Variants in ARID4B observed in about 807,000 individuals in gnomAD.
The protein encoded by ARID4B is AT-rich interaction domain 4B, also known as AT-rich interactive domain-containing protein 4B.
Under a neutral mutation model 147.5 loss-of-function variants are expected in ARID4B, and 26 were observed. That is an observed-to-expected ratio of 0.18 (90% confidence interval 0.13 to 0.24). The LOEUF is 0.24. Among genes scored for constraint, ARID4B ranks in the 10% least tolerant of loss-of-function variants. The pLI is 1.00. For missense variants in ARID4B, 1,179 were observed against 1,511.5 expected, an observed-to-expected ratio of 0.78 and a Z score of 3.65; for synonymous variants, 512 against 507.9, an observed-to-expected ratio of 1.01 and a Z score of -0.11.
At chr1:235,327,737 G>A (rs1450524854) in intron 1 of ARID4B, 32 bp downstream of exon 1, 1 of 152,714 alleles carries the variant, frequency 6.5e-6, no homozygotes, top group Non-Finnish European at 1.5e-5. Flanking sequence ...ACCCCCTTAG[G>A]AGACCACGAA....
intron 19 of ARID4B, chr1:235,187,160 C>A (rs1571923672): frequency 6.5e-6 from 2 of 306,982 alleles, no homozygotes; most frequent in East Asian, 2.4e-4. Flanking sequence ...CAGCTCACCG[C>A]AACCTCCGCC....
At chr1:235,288,683 C>T (rs777288635) in intron 2 of ARID4B, among the ~76,000 whole-genome samples, 4 of 152,202 alleles carry the variant, frequency 2.6e-5, no homozygotes, top group Non-Finnish European at 5.9e-5. Flanking sequence ...CAAACATATT[C>T]ATGCCAGCTT....
In ARID4B at chr1:235,221,558, A is replaced by T; in HGVS notation, c.1163+7T>A. 12 of 1,510,524 alleles carry T rather than the reference A, an allele frequency of 7.9e-6. No homozygotes were observed. Among genetic ancestry groups the T allele is most frequent in the Non-Finnish European group, 1.1e-5 (12 of 1,095,056 alleles). The allele number at this position is 1,510,524 out of a possible 1,614,324, so 93.6% of individuals were successfully genotyped here. ...TGAAGATAATCATATCAATTATACT[A>T]ACTTACTTTTTATAAGCACATTTAA... On this transcript the variant is annotated splice_region_variant and intron_variant, in intron 14 of 23. Coordinates refer to ENST00000264183, the MANE Select transcript of ARID4B (RefSeq NM_016374.6).
chr1:235,289,299 CA>C (rs926867100), intron 2 of ARID4B, among the ~76,000 whole-genome samples: 2 of 151,662 alleles, frequency 1.3e-5, no homozygotes, highest in Non-Finnish European at 2.9e-5. Flanking sequence ...TGCTCAATGG[CA>C]AAAAAATACA....
chr1:235,265,703 A>C lies in ARID4B; in HGVS notation c.7-4951T>G, dbSNP rs996590708. On this transcript the variant is annotated intron_variant, in intron 2 of 23. Coordinates refer to ENST00000264183, the MANE Select transcript of ARID4B (RefSeq NM_016374.6). ...GACACTGAGACCTTGTCTCAAAAAAAAAAGAAAAGAAAAAAAAGGGTATAT... is the reference window on the plus strand; with the variant it reads ...GACACTGAGACCTTGTCTCAAAAAACAAAGAAAAGAAAAAAAAGGGTATAT... Among the ~76,000 whole-genome samples the C allele has an allele frequency of 1.3e-3, 192 of 152,184 alleles. 1 individual carries two copies. Among genetic ancestry groups the C allele is most frequent in the African/African-American group, 4.5e-3 (188 of 41,520 alleles).
At chr1:235,260,821 A>G in intron 2 of ARID4B, 69 bp from the exon 3 acceptor site, 1 of 1,068,712 alleles carries the variant, frequency 9.4e-7, no homozygotes. Context: ...ACCTCAGAAT[A>G]GTGAGCCTAA....
intron 3 of ARID4B, 68 bp downstream of exon 3, chr1:235,260,574 A>T (rs190845304): frequency 8.4e-7 from 1 of 1,187,966 alleles, no homozygotes; most frequent in Non-Finnish European, 1.2e-6. Context: ...TCTTAAATAC[A>T]CTCACCAAAT....
At chr1:235,247,477 A>G (rs565761323) in intron 6 of ARID4B, among the ~76,000 whole-genome samples, 1 of 152,334 alleles carries the variant, frequency 6.6e-6, no homozygotes, top group African/African-American at 2.4e-5. Flanking sequence ...ATATATGTAA[A>G]TGTGTTTAAG....
chr1:235,189,906 G>T (rs1664973739), intron 19 of ARID4B: 1 of 154,010 alleles, frequency 6.5e-6, no homozygotes, highest in African/African-American at 2.4e-5. Context: ...AAATTAAAAA[G>T]GAGAGAACAG....
chr1:235,212,118 G>A (rs75514753), intron 17 of ARID4B, among the ~76,000 whole-genome samples: 6,077 of 152,158 alleles, frequency 0.04, 455 homozygotes, highest in African/African-American at 0.14. Flanking sequence ...AATGGTGGGC[G>A]CCTATAATCC....
chr1:235,296,789 A>AAGGAG (rs1672749431), intron 2 of ARID4B, among the ~76,000 whole-genome samples: 1 of 99,214 alleles, frequency 1.0e-5, no homozygotes, highest in African/African-American at 3.8e-5. Context: ...AAAAAAAAAA[A>AAGGAG]GGAGGAAGGA....
chr1:235,224,887 T>G lies in ARID4B; in HGVS notation c.898-112A>C, dbSNP rs1378505281. The G allele has an allele frequency of 4.3e-6, 3 of 697,136 alleles. No homozygotes were observed. The African/African-American group carries it at 5.5e-5, about 13-fold the overall frequency. The allele number at this position is 697,136 out of a possible 1,614,324, so 43.2% of individuals were successfully genotyped here. A position where few individuals can be genotyped will look rare whatever the true frequency, so the allele number is the denominator to read the frequency against. On this transcript the variant is annotated intron_variant, in intron 11 of 23. Transcript: ENST00000264183. ...TGTTCATTAAAATACTTCAAAGGCTTTTTACGTAATCAAAGTTACTCTTTT... is the reference window on the plus strand; with the variant it reads ...TGTTCATTAAAATACTTCAAAGGCTGTTTACGTAATCAAAGTTACTCTTTT...
chr1:235,221,200 G>C (rs1304888494), intron 14 of ARID4B, among the ~76,000 whole-genome samples: 1 of 152,204 alleles, frequency 6.6e-6, no homozygotes. Flanking sequence ...GCCTGGCCAA[G>C]CATTCCATTT....
intron 2 of ARID4B, among the ~76,000 whole-genome samples, chr1:235,300,243 C>T (rs1457141191): frequency 6.6e-6 from 1 of 151,978 alleles, no homozygotes; most frequent in East Asian, 1.9e-4. Flanking sequence ...TGGCAAAACC[C>T]CATCTCTACC....
At chr1:235,273,933 C>T (rs897170484) in intron 2 of ARID4B, among the ~76,000 whole-genome samples, 3 of 152,198 alleles carry the variant, frequency 2.0e-5, no homozygotes, top group Non-Finnish European at 4.4e-5. Context: ...TTACTGTGAA[C>T]TCCATCTCCG....
At chr1:235,190,493 A>C (rs1342128320) in intron 19 of ARID4B, among the ~76,000 whole-genome samples, 1 of 152,056 alleles carries the variant, frequency 6.6e-6, no homozygotes, top group Middle Eastern at 3.2e-3. Flanking sequence ...AGAAAAGCAA[A>C]AAATAAAGAA....
intron 2 of ARID4B, among the ~76,000 whole-genome samples, chr1:235,318,243 C>T (rs1371351073): frequency 1.4e-5 from 2 of 138,828 alleles, no homozygotes. Context: ...GTGGCGCCAT[C>T]GCAGCTCACT....
intron 17 of ARID4B, among the ~76,000 whole-genome samples, chr1:235,210,404 T>C (rs1666639164): frequency 1.3e-5 from 2 of 151,982 alleles, no homozygotes; most frequent in Non-Finnish European, 2.9e-5. Flanking sequence ...AGTATAAATT[T>C]AGAGATCAAG....
chr1:235,312,427 T>C (rs935003559), intron 2 of ARID4B, among the ~76,000 whole-genome samples: 1 of 152,224 alleles, frequency 6.6e-6, no homozygotes, highest in African/African-American at 2.4e-5. Context: ...CCAAAAACTG[T>C]TGAATCAAGT....
Sources: gnomAD v4.1 joint callset for allele counts (sites outside exome capture counted in the v4.1 genomes callset) on GRCh38, gnomAD v4.1.1 for gene constraint, MANE v1.5 for transcripts, NCBI Gene and HGNC (gene_info 2026-07-23, HGNC 2026-07-21) for gene names.